NAALADL2: variants seen among roughly 807,000 people sequenced by gnomAD.
NAALADL2 encodes inactive N-acetylated-alpha-linked acidic dipeptidase-like protein 2.
Under a neutral mutation model 87.2 loss-of-function variants are expected in NAALADL2, and 76 were observed. That is an observed-to-expected ratio of 0.87 (90% confidence interval 0.72 to 1.05). The LOEUF is 1.05. Among genes scored for constraint, NAALADL2 ranks in the 50% least tolerant of loss-of-function variants. The probability of loss-of-function intolerance (pLI) is 0.00; values close to 1 mark genes in which losing one functional copy is unlikely to be tolerated. For missense variants in NAALADL2, 1,089 were observed against 945.8 expected, an observed-to-expected ratio of 1.15 and a Z score of -1.99; for synonymous variants, 354 against 331.0, an observed-to-expected ratio of 1.07 and a Z score of -0.75.
intron 3 of NAALADL2, among the ~76,000 whole-genome samples, chr3:174,824,102 T>C (rs1721722350): frequency 6.6e-6 from 1 of 152,184 alleles, no homozygotes; most frequent in African/African-American, 2.4e-5. Context: ...CTAAGGGAAA[T>C]TGAGTTTCAT....
At chr3:175,195,027 C>G (rs893018672) in intron 2 of NAALADL2, among the ~76,000 whole-genome samples, 4 of 149,514 alleles carry the variant, frequency 2.7e-5, no homozygotes, top group African/African-American at 9.8e-5. Flanking sequence ...ATTTTTAATT[C>G]TCTCTCTCTC....
intron 2 of NAALADL2, among the ~76,000 whole-genome samples, chr3:174,657,493 T>C (rs1015628083): frequency 6.6e-6 from 1 of 152,024 alleles, no homozygotes; most frequent in African/African-American, 2.4e-5. Flanking sequence ...TTCGGAAATT[T>C]TATGTTCGCA....
chr3:174,961,920 G>A (rs1383364992), intron 1 of NAALADL2, among the ~76,000 whole-genome samples: 1 of 151,866 alleles, frequency 6.6e-6, no homozygotes, highest in African/African-American at 2.4e-5. Flanking sequence ...CAGTAATCCT[G>A]GGACCTTTGT....
At chr3:175,044,474 C>T (rs1364888035) in intron 1 of NAALADL2, among the ~76,000 whole-genome samples, 5 of 152,026 alleles carry the variant, frequency 3.3e-5, no homozygotes, top group African/African-American at 9.7e-5. Context: ...TTATCTGTCT[C>T]GTGTATTGCA....
chr3:174,729,023 A>C (rs1359092186), intron 2 of NAALADL2, among the ~76,000 whole-genome samples: 4 of 152,232 alleles, frequency 2.6e-5, no homozygotes, highest in African/African-American at 9.6e-5. Context: ...AGGAAGAGCC[A>C]GGCTTCCTTC....
At chr3:174,700,002 C>T (rs1468811427) in intron 2 of NAALADL2, among the ~76,000 whole-genome samples, 1 of 151,732 alleles carries the variant, frequency 6.6e-6, no homozygotes, top group African/African-American at 2.4e-5. Context: ...GTGTCAGGTT[C>T]AATTCTCCCT....
intron 13 of NAALADL2, among the ~76,000 whole-genome samples, chr3:175,763,945 C>T (rs1322722641): frequency 6.6e-6 from 1 of 152,016 alleles, no homozygotes; most frequent in Non-Finnish European, 1.5e-5. Context: ...CAGAGATTCA[C>T]TCTTTCATTT....
chr3:175,457,429 C>T lies in NAALADL2; in HGVS notation c.1235-5972C>T, dbSNP rs1485688253. 7.9e-5 allele frequency among the ~76,000 whole-genome samples: 12 copies of T among 152,062 alleles called. 1 individual carries two copies. Among genetic ancestry groups the T allele is most frequent in the Admixed American group, 6.6e-4 (10 of 15,236 alleles). On this transcript the variant is annotated intron_variant, in intron 6 of 13. Transcript: ENST00000454872. ...CATTTGAAATCATGTAGCATACTGC[C>T]CCAAACCACTGCTACCTTTAGCCAC... is the stretch of plus-strand genomic sequence containing the variant.
chr3:174,831,655 A>C (rs192830811), intron 3 of NAALADL2, among the ~76,000 whole-genome samples: 1 of 150,982 alleles, frequency 6.6e-6, no homozygotes, highest in Non-Finnish European at 1.5e-5. Flanking sequence ...CTCGTTTTCT[A>C]TTGATTGGAA....
At chr3:175,530,341 T>G (rs574427069) in intron 9 of NAALADL2, among the ~76,000 whole-genome samples, 1 of 152,214 alleles carries the variant, frequency 6.6e-6, no homozygotes, top group Non-Finnish European at 1.5e-5. Flanking sequence ...TTTCCAATCA[T>G]GCTTCTTCCA....
At chr3:175,590,897 G>T (rs561967284) in intron 10 of NAALADL2, among the ~76,000 whole-genome samples, 1 of 152,236 alleles carries the variant, frequency 6.6e-6, no homozygotes, top group South Asian at 2.1e-4. Context: ...CTGAACAAAG[G>T]TATGTGTGTG....
intron 4 of NAALADL2, among the ~76,000 whole-genome samples, chr3:175,315,416 T>G (rs1759013660): frequency 2.0e-5 from 3 of 152,188 alleles, no homozygotes; most frequent in African/African-American, 7.2e-5. Flanking sequence ...GGGAGAATCA[T>G]TAACTATGGA....
intron 2 of NAALADL2, among the ~76,000 whole-genome samples, chr3:174,616,162 A>T (rs1359495281): frequency 6.6e-6 from 1 of 151,872 alleles, no homozygotes; most frequent in East Asian, 1.9e-4. Context: ...ACAATCGTTG[A>T]TGTTGTAAAT....
chr3:175,482,099 A>C (rs1242441267), intron 9 of NAALADL2, among the ~76,000 whole-genome samples: 2 of 151,962 alleles, frequency 1.3e-5, no homozygotes, highest in East Asian at 1.9e-4. Flanking sequence ...CTTTTCAATA[A>C]GAAAAAAATT....
intron 1 of NAALADL2, among the ~76,000 whole-genome samples, chr3:174,537,724 G>T (rs778678054): frequency 1.3e-4 from 20 of 152,090 alleles, no homozygotes; most frequent in South Asian, 6.2e-4. Flanking sequence ...ATTAAATTTT[G>T]CAGAAAGGGA....
intron 9 of NAALADL2, among the ~76,000 whole-genome samples, chr3:175,540,442 T>A (rs1485729515): frequency 2.0e-5 from 3 of 152,146 alleles, no homozygotes; most frequent in Non-Finnish European, 4.4e-5. Flanking sequence ...GGGACAGATT[T>A]TGTAGGACCT....
intron 2 of NAALADL2, among the ~76,000 whole-genome samples, chr3:174,566,697 A>G (rs550456908): frequency 5.6e-5 from 8 of 142,312 alleles, no homozygotes; most frequent in Admixed American, 2.8e-4. Context: ...TAATTTCTTC[A>G]CTCTGTTTCT....
intron 5 of NAALADL2, among the ~76,000 whole-genome samples, chr3:175,333,006 G>A (rs115172434): frequency 2.0e-5 from 3 of 152,202 alleles, no homozygotes; most frequent in South Asian, 2.1e-4. Context: ...CATTCTATAT[G>A]TGTCTTTACA....
Position 175,146,140 on chromosome 3 carries a change from T to C in NAALADL2, c.545+48849T>C, listed in dbSNP as rs541787882. ...CAGCTGAAGTCTCCCTATTGGCCTA[T>C]TATTGTAAATTTTCTTGAATTTTAA... On this transcript the variant is annotated intron_variant, in intron 2 of 13. Coordinates refer to ENST00000454872, the MANE Select transcript of NAALADL2 (RefSeq NM_207015.3). 8.1e-4 allele frequency among the ~76,000 whole-genome samples: 123 copies of C among 152,236 alleles called. 4 individuals carry two copies. In the South Asian group the frequency reaches 0.024, roughly 30 times the overall value.
Sources: gnomAD v4.1 joint callset for allele counts (sites outside exome capture counted in the v4.1 genomes callset) on GRCh38, gnomAD v4.1.1 for gene constraint, MANE v1.5 for transcripts, NCBI Gene and HGNC (gene_info 2026-07-23, HGNC 2026-07-21) for gene names.